Variants in TFCP2 observed in about 807,000 individuals in gnomAD.
The protein encoded by TFCP2 is alpha-globin transcription factor CP2.
In TFCP2, 33 loss-of-function variants were observed where a neutral mutation model predicts 73.4. The observed-to-expected ratio is 0.45, with a 90% CI of 0.34 to 0.60. TFCP2 has a LOEUF of 0.60. Ranked by LOEUF, TFCP2 falls within the 20% of genes least tolerant of loss-of-function variation. The probability of loss-of-function intolerance (pLI) is 0.01; values close to 1 mark genes in which losing one functional copy is unlikely to be tolerated. For synonymous variants in TFCP2, 193 were observed against 211.6 expected, an observed-to-expected ratio of 0.91 and a Z score of 0.76; for missense variants, 352 against 604.0, an observed-to-expected ratio of 0.58 and a Z score of 4.37.
intron 1 of TFCP2, among the ~76,000 whole-genome samples, chr12:51,170,303 T>C (rs890963803): frequency 2.6e-5 from 4 of 152,010 alleles, no homozygotes; most frequent in African/African-American, 7.2e-5. Context: ...TATATAACGA[T>C]AGTATTTTTT....
intron 4 of TFCP2, among the ~76,000 whole-genome samples, chr12:51,115,270 C>A (rs1161242742): frequency 6.6e-6 from 1 of 151,840 alleles, no homozygotes; most frequent in Non-Finnish European, 1.5e-5. Context: ...CAGGCGCCCG[C>A]CACCACGCCC....
At position 51,116,360 on chromosome 12, in the gene TFCP2, C is replaced by G. The variant is rs756468559; in HGVS notation, c.412G>C (p.Glu138Gln). 1 of 1,610,686 alleles carries G rather than the reference C, an allele frequency of 6.2e-7. No individual in the cohort carries two copies. The highest frequency in any genetic ancestry group is 8.5e-7 in the Non-Finnish European group (1 of 1,178,034). ...CCAGGTCGGTTCCACCTCCAGCCCT[C>G]TAGCTGCTGATGCTCAGTGTACTGA... Reference protein sequence around the residue: ...RLQYTEHQQLEGWRWNRPGDR... With the variant: ...RLQYTEHQQLQGWRWNRPGDR... The change falls in exon 4 of 15, where the codon GAG becomes CAG. Residue 138 changes from glutamate to glutamine, a missense_variant. By Grantham distance (29) the Glu-to-Gln change is conservative. Around this residue, in one of 6 missense-constraint regions of TFCP2, gnomAD observed 76 missense variants for 163.2 expected, o/e 0.47. Coordinates refer to ENST00000257915, the MANE Select transcript of TFCP2 (RefSeq NM_005653.5).
chr12:51,147,053 A>G (rs1315178086), intron 1 of TFCP2, among the ~76,000 whole-genome samples: 1 of 152,228 alleles, frequency 6.6e-6, no homozygotes. Flanking sequence ...TGTGCATATA[A>G]AACATTAGGC....
chr12:51,166,769 T>C (rs1941766348), intron 1 of TFCP2, among the ~76,000 whole-genome samples: 1 of 152,116 alleles, frequency 6.6e-6, no homozygotes, highest in Non-Finnish European at 1.5e-5. Flanking sequence ...ATTTTCAGGG[T>C]GCCAGATTTG....
At chr12:51,141,748 A>C (rs1197574006) in intron 1 of TFCP2, among the ~76,000 whole-genome samples, 1 of 151,242 alleles carries the variant, frequency 6.6e-6, no homozygotes, top group Non-Finnish European at 1.5e-5. Context: ...AAAAATACAA[A>C]AAAAAAAAAT....
At chr12:51,096,277 T>C (rs1939964482) in intron 13 of TFCP2, among the ~76,000 whole-genome samples, 1 of 152,190 alleles carries the variant, frequency 6.6e-6, no homozygotes, top group Non-Finnish European at 1.5e-5. Context: ...CTGGTATGCA[T>C]TTCCCTGGGT....
At chr12:51,106,499 A>C in intron 8 of TFCP2, 26 bp downstream of exon 8, 2 of 1,563,136 alleles carry the variant, frequency 1.3e-6, no homozygotes, top group Middle Eastern at 1.7e-4. Flanking sequence ...GGACAAATAT[A>C]AGCCAATTTT....
chr12:51,135,745 T>C (rs1941048316), intron 1 of TFCP2, among the ~76,000 whole-genome samples: 1 of 151,936 alleles, frequency 6.6e-6, no homozygotes, highest in Admixed American at 6.6e-5. Flanking sequence ...CTATGTCATC[T>C]AGGATGACCA....
intron 1 of TFCP2, 122 bp downstream of exon 1, chr12:51,172,179 T>TAAACAAG: frequency 7.3e-7 from 1 of 1,378,858 alleles, no homozygotes; most frequent in Admixed American, 2.2e-5. Flanking sequence ...ACAAGTCCCT[T>TAAACAAG]TTCCCCAATC....
rs907788099 is a variant in TFCP2 at position 51,172,515 on chromosome 12, C to T, written c.-93G>A. 4.3e-5 allele frequency: 68 copies of T among 1,566,694 alleles called. No individual in the cohort carries two copies. The South Asian group carries it at 6.6e-4, about 15-fold the overall frequency. ...ACAGGAGTAACGCAAACCAAGAAAA[C>T]TACAAACCAAGGTTTCCCACGCAGT... On this transcript the variant is annotated 5_prime_UTR_variant, in exon 1 of 15. Transcript: ENST00000257915.
At chr12:51,108,826 C>T (rs1425890046) in intron 6 of TFCP2, among the ~76,000 whole-genome samples, 2 of 152,098 alleles carry the variant, frequency 1.3e-5, no homozygotes, top group African/African-American at 4.8e-5. Context: ...ATAACCATAA[C>T]TAGTCAATTT....
chr12:51,125,005 C>T, intron 1 of TFCP2: 1 of 733,680 alleles, frequency 1.4e-6, no homozygotes, highest in Non-Finnish European at 2.5e-6. Flanking sequence ...ATAACTTCTC[C>T]AGCATCAAAG....
chr12:51,165,092 C>T (rs1941726963), intron 1 of TFCP2, among the ~76,000 whole-genome samples: 1 of 152,094 alleles, frequency 6.6e-6, no homozygotes, highest in South Asian at 2.1e-4. Flanking sequence ...TGGTGGCTCA[C>T]ACCTGTAATC....
chr12:51,099,806 T>C (rs1940064697), intron 11 of TFCP2, 27 bp from the exon 12 acceptor site: 1 of 1,609,758 alleles, frequency 6.2e-7, no homozygotes, highest in African/African-American at 1.3e-5. Flanking sequence ...GGCTAATTAG[T>C]CTTACATTCT....
At chr12:51,152,831 C>T (rs2137031799) in intron 1 of TFCP2, among the ~76,000 whole-genome samples, 2 of 152,292 alleles carry the variant, frequency 1.3e-5, no homozygotes, top group Admixed American at 1.3e-4. Flanking sequence ...CTATCTTAAT[C>T]ACTTTTAAGT....
At chr12:51,142,868 G>T (rs1941220909) in intron 1 of TFCP2, among the ~76,000 whole-genome samples, 1 of 151,986 alleles carries the variant, frequency 6.6e-6, no homozygotes, top group African/African-American at 2.4e-5. Flanking sequence ...TACTTGTCAT[G>T]GTCACCAATG....
At chr12:51,168,857 A>C (rs1941805793) in intron 1 of TFCP2, among the ~76,000 whole-genome samples, 2 of 151,806 alleles carry the variant, frequency 1.3e-5, no homozygotes. Flanking sequence ...GCTGTAGTGC[A>C]GTGGCACAGT....
chr12:51,157,898 G>A (rs1263081748), intron 1 of TFCP2, among the ~76,000 whole-genome samples: 2 of 151,514 alleles, frequency 1.3e-5, no homozygotes, highest in Admixed American at 6.6e-5. Context: ...CGCTGGTCTC[G>A]AACTCCTGAC....
chr12:51,134,474 T>C (rs760841904), intron 1 of TFCP2, among the ~76,000 whole-genome samples: 1 of 151,934 alleles, frequency 6.6e-6, no homozygotes, highest in Non-Finnish European at 1.5e-5. Flanking sequence ...TTAGTAGAAA[T>C]GGGGTCTCAC....
Sources: gnomAD v4.1 joint callset for allele counts (sites outside exome capture counted in the v4.1 genomes callset) on GRCh38, gnomAD v4.1.1 for gene constraint, gnomAD v4.1.1 regional missense constraint, MANE v1.5 for transcripts, NCBI Gene and HGNC (gene_info 2026-07-23, HGNC 2026-07-21) for gene names.